The following LPGAT1 variants were observed in gnomAD, a reference collection of about 807,000 sequenced individuals.
LPGAT1 encodes acyl-CoA:lysophosphatidylglycerol acyltransferase 1.
LPGAT1 carries 11 observed loss-of-function variants against 47.5 expected under a neutral mutation model. That is an observed-to-expected ratio of 0.23 (90% CI 0.15 to 0.38). The LOEUF (loss-of-function observed/expected upper bound fraction) is 0.38, where lower values mean the gene tolerates loss of function less well. Ranked by LOEUF, LPGAT1 falls within the 10% of genes least tolerant of loss-of-function variation. The pLI is 1.00. For synonymous variants in LPGAT1, 138 were observed against 144.2 expected (o/e 0.96, Z 0.31); for missense variants, 293 against 439.0 (o/e 0.67, Z 2.97).
At chr1:211,763,302 GATTA>G (rs1323618689) in intron 6 of LPGAT1, among the ~76,000 whole-genome samples, 2 of 152,120 alleles carry the variant, frequency 1.3e-5, no homozygotes, top group African/African-American at 4.8e-5. Context: ...AGGATTAATG[GATTA>G]ATGAGTTATC....
chr1:211,778,411 C>A (rs1236042771), intron 6 of LPGAT1, among the ~76,000 whole-genome samples: 2 of 150,126 alleles, frequency 1.3e-5, no homozygotes, highest in Non-Finnish European at 3.0e-5. Context: ...TTTAGCATAT[C>A]ATCAAGAAAG....
intron 2 of LPGAT1, among the ~76,000 whole-genome samples, chr1:211,807,298 T>C (rs116150033): frequency 1.3e-4 from 20 of 151,800 alleles, no homozygotes; most frequent in African/African-American, 4.1e-4. Flanking sequence ...ACTATGGTTA[T>C]GGATTAAAAG....
chr1:211,829,717 G>A, intron 1 of LPGAT1: 1 of 1,019,182 alleles, frequency 9.8e-7, no homozygotes, highest in South Asian at 3.8e-5. Flanking sequence ...ACCGAAACAG[G>A]GTCCCCTCAA....
rs116018932 is a variant in LPGAT1 at position 211,816,441 on chromosome 1, C to T, written c.238+12618G>A. Among the ~76,000 whole-genome samples, 1,114 of 152,264 alleles carry T rather than the reference C, an allele frequency of 7.3e-3. 19 individuals are homozygous for T. Among genetic ancestry groups the T allele is most frequent in the African/African-American group, 0.025 (1,047 of 41,552 alleles). On this transcript the variant is annotated intron_variant, in intron 2 of 7. Transcript: ENST00000366997. ...ATTAATAAATTGCTTTGAAGCACTG[C>T]AAAATTTACAAACATAAAATCTAAT...
At position 211,743,912 on chromosome 1, in the gene LPGAT1, T is replaced by C. The variant is rs1656844524; in HGVS notation, c.*5987A>G. ...AAATTTTTCAGTGGGATTTAAACAATTGTTTAAACATCAATAAAACAATTG... is the reference window on the plus strand; with the variant it reads ...AAATTTTTCAGTGGGATTTAAACAACTGTTTAAACATCAATAAAACAATTG... On this transcript the variant is annotated 3_prime_UTR_variant, in exon 8 of 8. Transcript: ENST00000366997. 6.6e-6 allele frequency: 1 copy of C among 152,308 alleles called. No individual in the cohort carries two copies. The highest frequency in any genetic ancestry group is 1.9e-4 in the East Asian group (1 of 5,194). The allele number at this position is 152,308 out of a possible 1,614,324, so 9.4% of individuals were successfully genotyped here.
chr1:211,809,959 CCT>C (rs1484822210), intron 2 of LPGAT1, among the ~76,000 whole-genome samples: 1 of 152,090 alleles, frequency 6.6e-6, no homozygotes, highest in African/African-American at 2.4e-5. Flanking sequence ...AACATGAATA[CCT>C]CTCTGTTTTG....
Position 211,807,717 on chromosome 1 carries a change from T to C in LPGAT1, c.239-14527A>G, listed in dbSNP as rs1191604879. Among the ~76,000 whole-genome samples, 6 of 152,162 alleles carry C rather than the reference T, an allele frequency of 3.9e-5. No individual in the cohort carries two copies. In the East Asian group the frequency reaches 9.6e-4, roughly 24 times the overall value. On this transcript the variant is annotated intron_variant, in intron 2 of 7. Transcript: ENST00000366997. ...AATGTGAACCTTGACCCAAACCTCA[T>C]ACCTGATAGAATGATTAATTCAAAA...
intron 2 of LPGAT1, among the ~76,000 whole-genome samples, chr1:211,812,286 C>G (rs1011818167): frequency 3.3e-5 from 5 of 152,016 alleles, no homozygotes; most frequent in African/African-American, 7.3e-5. Flanking sequence ...GAGAAATTAA[C>G]CTAACCAGGA....
intron 2 of LPGAT1, among the ~76,000 whole-genome samples, chr1:211,813,933 G>A (rs1660086452): frequency 6.6e-6 from 1 of 152,214 alleles, no homozygotes; most frequent in Non-Finnish European, 1.5e-5. Flanking sequence ...ACATGAAGGA[G>A]AAATCTGAAT....
At chr1:211,785,538 G>A (rs548591761) in intron 4 of LPGAT1, among the ~76,000 whole-genome samples, 36 of 150,530 alleles carry the variant, frequency 2.4e-4, no homozygotes, top group Admixed American at 2.2e-3. Context: ...GTAATCACAA[G>A]AAAATATTTT....
intron 6 of LPGAT1, among the ~76,000 whole-genome samples, chr1:211,759,641 G>A (rs2102498966): frequency 6.6e-6 from 1 of 151,980 alleles, no homozygotes; most frequent in South Asian, 2.1e-4. Flanking sequence ...TATAATATTA[G>A]CATTCTAAGG....
chr1:211,797,516 C>T (rs567584317), intron 2 of LPGAT1, among the ~76,000 whole-genome samples: 19 of 151,824 alleles, frequency 1.3e-4, no homozygotes, highest in African/African-American at 4.6e-4. Flanking sequence ...ATTTAATTTC[C>T]AATATATATG....
intron 6 of LPGAT1, among the ~76,000 whole-genome samples, chr1:211,777,077 A>G (rs1292090078): frequency 6.6e-6 from 1 of 152,204 alleles, no homozygotes; most frequent in Non-Finnish European, 1.5e-5. Flanking sequence ...AATATAACCA[A>G]ATGAACGAAA....
intron 2 of LPGAT1, among the ~76,000 whole-genome samples, chr1:211,824,085 GA>G (rs1660456481): frequency 6.6e-6 from 1 of 152,138 alleles, no homozygotes; most frequent in Non-Finnish European, 1.5e-5. Flanking sequence ...GGGAATCTCA[GA>G]ACCAGGAAAG....
At chr1:211,771,743 C>G (rs1571711658) in intron 6 of LPGAT1, among the ~76,000 whole-genome samples, 1 of 152,014 alleles carries the variant, frequency 6.6e-6, no homozygotes, top group African/African-American at 2.4e-5. Context: ...CTCAAGGGAT[C>G]TGCCTGCCTC....
At position 211,747,703 on chromosome 1, in the gene LPGAT1, A is replaced by C. The variant is rs1656997830; in HGVS notation, c.*2196T>G. 1 of 152,188 alleles carries C rather than the reference A, an allele frequency of 6.6e-6. No individual in the cohort carries two copies. Among genetic ancestry groups the C allele is most frequent in the African/African-American group, 2.4e-5 (1 of 41,434 alleles). The allele number at this position is 152,188 out of a possible 1,614,324, so 9.4% of individuals were successfully genotyped here. ...ACTAATCCCTCAAGTGAACAATTTCATTTCATCCAGTAATTTAGTGGTGCT... is the reference window on the plus strand; with the variant it reads ...ACTAATCCCTCAAGTGAACAATTTCCTTTCATCCAGTAATTTAGTGGTGCT... On this transcript the variant is annotated 3_prime_UTR_variant, in exon 8 of 8. Coordinates refer to ENST00000366997, the MANE Select transcript of LPGAT1 (RefSeq NM_014873.3).
At chr1:211,786,409 T>C (rs1658880560) in intron 4 of LPGAT1, among the ~76,000 whole-genome samples, 1 of 152,252 alleles carries the variant, frequency 6.6e-6, no homozygotes. Flanking sequence ...CACGGCACAA[T>C]CCAGGTTGTT....
At chr1:211,820,399 A>C (rs1159192533) in intron 2 of LPGAT1, among the ~76,000 whole-genome samples, 1 of 152,178 alleles carries the variant, frequency 6.6e-6, no homozygotes, top group Non-Finnish European at 1.5e-5. Context: ...AAAAATTATA[A>C]CTGAATAATT....
intron 6 of LPGAT1, among the ~76,000 whole-genome samples, chr1:211,766,860 A>G (rs1418013484): frequency 6.6e-6 from 1 of 152,242 alleles, no homozygotes; most frequent in African/African-American, 2.4e-5. Flanking sequence ...ACCTTAAGTC[A>G]GGGACCATCT....
Sources: allele counts gnomAD v4.1 joint callset (sites outside exome capture counted in the v4.1 genomes callset), GRCh38; gene constraint gnomAD v4.1.1; transcripts MANE v1.5; gene names NCBI Gene and HGNC (gene_info 2026-07-23, HGNC 2026-07-21).